The following TRAF3IP2 variants were observed in gnomAD, a reference collection of about 807,000 sequenced individuals.
The protein encoded by TRAF3IP2 is E3 ubiquitin ligase TRAF3IP2.
In TRAF3IP2, 35 loss-of-function variants were observed where a neutral mutation model predicts 57.9. The ratio of observed to expected loss-of-function variants is 0.60; its 90% CI spans 0.46 to 0.80. The LOEUF (loss-of-function observed/expected upper bound fraction) is 0.80. Among genes scored for constraint, TRAF3IP2 ranks in the 30% least tolerant of loss-of-function variants. The pLI is 0.00. For synonymous variants in TRAF3IP2, 251 were observed against 268.9 expected, an observed-to-expected ratio of 0.93 and a Z score of 0.65; for missense variants, 556 against 706.4, an observed-to-expected ratio of 0.79 and a Z score of 2.41.
intron 5 of TRAF3IP2, among the ~76,000 whole-genome samples, chr6:111,570,967 T>C (rs1795810745): frequency 6.6e-6 from 1 of 151,972 alleles, no homozygotes; most frequent in African/African-American, 2.4e-5. Flanking sequence ...AGTGCAGTGG[T>C]GTGATGCCGG....
chr6:111,588,038 T>C (rs763582130), intron 2 of TRAF3IP2, among the ~76,000 whole-genome samples: 1 of 152,176 alleles, frequency 6.6e-6, no homozygotes, highest in Non-Finnish European at 1.5e-5. Context: ...TTGCACCAAT[T>C]TACACTCCTA....
Position 111,591,925 on chromosome 6 carries a change from G to A in TRAF3IP2, c.162C>T (p.His54=). 1 of 1,614,250 alleles carries A rather than the reference G, an allele frequency of 6.2e-7. No homozygotes were observed. Among genetic ancestry groups the A allele is most frequent in the Non-Finnish European group, 8.5e-7 (1 of 1,180,052 alleles). ...CTTGAGAAAAGTCTCCGGAGGAATT[G>A]TGAAGCATTGTGGGTGCAGACAAGC... is the stretch of plus-strand genomic sequence containing the variant. ...PNSLSAPTML[H]NSSGDFSQAH... Residue 54 remains histidine (H), a synonymous_variant, in exon 2 of 9, where the codon CAC becomes CAT. Coordinates refer to ENST00000368761, the MANE Select transcript of TRAF3IP2 (RefSeq NM_147686.4). This position sits in a 1 kb window ranked among gnomAD's most constrained non-coding sequence, Gnocchi z 4.9.
intron 2 of TRAF3IP2, among the ~76,000 whole-genome samples, chr6:111,585,950 A>T (rs1375250268): frequency 2.0e-5 from 3 of 152,198 alleles, no homozygotes; most frequent in Non-Finnish European, 2.9e-5. Flanking sequence ...CAAATCCTAA[A>T]TGAGGTTTTC....
rs1469708155 is a variant in TRAF3IP2, at chr6:111,580,218, A to G, written c.1001T>C (p.Phe334Ser). The G allele has an allele frequency of 3.0e-5, 49 of 1,614,082 alleles. No homozygotes were observed. Among genetic ancestry groups the G allele is most frequent in the Non-Finnish European group, 3.7e-5 (44 of 1,180,024 alleles). ...EERPAQRDCS[F>S]PGLPRHQDQP... ...TTACTGGTGCCTTGGAAGCCCCGGA[A>G]AGGAGCAGTCTCTCTGTGCGGGCCT... The change falls in exon 3 of 9, where the codon TTT (phenylalanine) becomes TCT (serine). Residue 334 changes from phenylalanine to serine, a missense_variant. This residue lies in a region of TRAF3IP2 where 428 missense variants were observed against 498.7 expected (regional missense o/e 0.86). Coordinates refer to ENST00000368761, the MANE Select transcript of TRAF3IP2 (RefSeq NM_147686.4).
At chr6:111,605,169 GT>G (rs1188811837) in intron 1 of TRAF3IP2, among the ~76,000 whole-genome samples, 4 of 152,126 alleles carry the variant, frequency 2.6e-5, no homozygotes, top group Non-Finnish European at 5.9e-5. Flanking sequence ...CTAAGATCAA[GT>G]TCTGGCATTT....
chr6:111,573,645 T>C (rs1481038100), intron 4 of TRAF3IP2: 3 of 152,352 alleles, frequency 2.0e-5, no homozygotes, highest in Non-Finnish European at 4.4e-5. Flanking sequence ...ACAGACTCCA[T>C]CACTCATCCC....
In TRAF3IP2 at chr6:111,591,969, T is replaced by C. The variant is rs768294895; in HGVS notation, c.118A>G (p.Arg40Gly). The C allele has an allele frequency of 6.2e-7, 1 of 1,614,084 alleles. No individual in the cohort carries two copies. The highest frequency in any genetic ancestry group is 1.3e-5 in the African/African-American group (1 of 74,936). ...GACAAGCTGTTGGGTGCCATGTTCC[T>C]TATATTTGGAGCAGGTGGTTCTGAT... ...EESEPPAPNI[R>G]NMAPNSLSAP... The change falls in exon 2 of 9, where the codon AGG (arginine) becomes GGG (glycine). Residue 40 changes from arginine (R) to glycine (G), a missense_variant. Coordinates refer to ENST00000368761, the MANE Select transcript of TRAF3IP2 (RefSeq NM_147686.4). The surrounding 1 kb of genome is among the most constrained non-coding windows in gnomAD (Gnocchi z 4.9).
intron 2 of TRAF3IP2, among the ~76,000 whole-genome samples, chr6:111,581,451 G>A (rs1796161978): frequency 6.6e-6 from 1 of 152,042 alleles, no homozygotes; most frequent in Non-Finnish European, 1.5e-5. Context: ...GAAGGAAGGT[G>A]TTTTGTTTTG....
chr6:111,581,830 T>C (rs1349975430), intron 2 of TRAF3IP2, among the ~76,000 whole-genome samples: 1 of 151,920 alleles, frequency 6.6e-6, no homozygotes, highest in Non-Finnish European at 1.5e-5. Context: ...ATACAAAAAT[T>C]AGCTGGGTGT....
intron 2 of TRAF3IP2, among the ~76,000 whole-genome samples, chr6:111,582,591 T>C (rs1398632402): frequency 6.6e-6 from 1 of 152,116 alleles, no homozygotes; most frequent in African/African-American, 2.4e-5. Context: ...AGATCACCAG[T>C]TGCAGTTTCA....
chr6:111,595,567 C>T (rs371207341), intron 1 of TRAF3IP2, among the ~76,000 whole-genome samples: 64 of 152,194 alleles, frequency 4.2e-4, no homozygotes, highest in Admixed American at 3.9e-3. Flanking sequence ...CCGTGACTCA[C>T]GCCTGTAATC....
chr6:111,602,385 C>T lies in TRAF3IP2; in HGVS notation c.-9+3391G>A, dbSNP rs552462604. 4.0e-5 allele frequency: 6 copies of T among 150,368 alleles called. No individual in the cohort carries two copies. The South Asian group carries it at 6.3e-4, about 16-fold the overall frequency. 9.3% of individuals were successfully genotyped at this position (150,368 alleles called of 1,614,324 possible). A position where few individuals can be genotyped will look rare whatever the true frequency, so the allele number is the denominator to read the frequency against. Reference sequence around the variant, plus strand: ...TCAGATAAGATGGTTTCTCTAAGCACATGTGTGATCCCTAATTCAGCCACA... The same window carrying T: ...TCAGATAAGATGGTTTCTCTAAGCATATGTGTGATCCCTAATTCAGCCACA... On this transcript the variant is annotated intron_variant, in intron 1 of 8. Transcript: ENST00000368761.
chr6:111,565,634 A>G (rs1370110847), intron 7 of TRAF3IP2, among the ~76,000 whole-genome samples: 1 of 152,150 alleles, frequency 6.6e-6, no homozygotes, highest in African/African-American at 2.4e-5. Context: ...CAGCGTCTCT[A>G]TAATCACGGG....
chr6:111,592,978 G>A (rs1462649718), intron 1 of TRAF3IP2, among the ~76,000 whole-genome samples: 6 of 152,142 alleles, frequency 3.9e-5, no homozygotes, highest in Non-Finnish European at 5.9e-5. Context: ...CCAACGGGCC[G>A]GGCAATATTG....
chr6:111,561,194 C>A (rs550935463), intron 8 of TRAF3IP2, among the ~76,000 whole-genome samples: 271 of 142,512 alleles, frequency 1.9e-3, no homozygotes, highest in Non-Finnish European at 4.0e-4. Context: ...AAAAAAAAAA[C>A]ACTTTGGGAG....
Position 111,559,490 on chromosome 6 carries a change from T to G in TRAF3IP2, c.1613A>C (p.Asn538Thr), listed in dbSNP as rs1305021237. ...HVYSWPKNKK[N>T]ILLRLLREEE... The stretch of plus-strand genomic sequence containing the variant: ...CTCTCTCAGCAGCCGCAGCAGGATG[T>G]TTTTTTTATTCTTGGGCCAGCTGTA... The change falls in exon 9 of 9, where the codon AAC (asparagine) becomes ACC (threonine). Residue 538 changes from asparagine to threonine, a missense_variant. Coordinates refer to ENST00000368761, the MANE Select transcript of TRAF3IP2 (RefSeq NM_147686.4). 15 of 1,613,350 alleles carry G rather than the reference T, an allele frequency of 9.3e-6. No homozygotes were observed. The highest frequency in any genetic ancestry group is 1.7e-5 in the Admixed American group (1 of 59,996).
At chr6:111,559,771 A>G (rs914187943) in intron 8 of TRAF3IP2, among the ~76,000 whole-genome samples, 4 of 152,214 alleles carry the variant, frequency 2.6e-5, no homozygotes, top group African/African-American at 9.7e-5. Context: ...CCACATGTGC[A>G]CAGCATTTTC....
chr6:111,599,967 C>T (rs1796813446), intron 1 of TRAF3IP2: 1 of 152,182 alleles, frequency 6.6e-6, no homozygotes, highest in Non-Finnish European at 1.5e-5. Context: ...TTAAATTCTC[C>T]CTGTGCCGGC....
At chr6:111,559,653 C>T (rs552042298) in intron 8 of TRAF3IP2, 102 bp from the exon 9 acceptor site, 8 of 1,333,218 alleles carry the variant, frequency 6.0e-6, no homozygotes, top group African/African-American at 1.5e-5. Context: ...CCTACATGGG[C>T]GTTTCCTACC....
Sources: gnomAD v4.1 joint callset for allele counts (sites outside exome capture counted in the v4.1 genomes callset) on GRCh38, gnomAD v4.1.1 for gene constraint, gnomAD v4.1.1 regional missense constraint, Gnocchi (gnomAD v3.1) non-coding constraint, MANE v1.5 for transcripts, NCBI Gene and HGNC (gene_info 2026-07-23, HGNC 2026-07-21) for gene names.